CREB5: variants seen among roughly 807,000 people sequenced by gnomAD.
The protein encoded by CREB5 is cAMP responsive element binding protein 5.
CREB5 carries 19 observed loss-of-function variants against 57.1 expected under a neutral mutation model. That is an observed-to-expected ratio of 0.33 (90% CI 0.23 to 0.49). The LOEUF (loss-of-function observed/expected upper bound fraction) is 0.49, where lower values mean the gene tolerates loss of function less well. CREB5 is among the 20% of genes least tolerant of loss of function. The pLI, the probability that CREB5 is intolerant of heterozygous loss-of-function variation, is 0.99. For missense variants in CREB5, 579 were observed against 671.6 expected (o/e 0.86, Z 1.52); for synonymous variants, 238 against 238.3 (o/e 1.00, Z 0.01).
chr7:28,643,104 A>G (rs529100039), intron 5 of CREB5, among the ~76,000 whole-genome samples: 9 of 151,986 alleles, frequency 5.9e-5, no homozygotes, highest in South Asian at 4.2e-4. Context: ...TAAATTCTCA[A>G]TTGTCGGGTC....
chr7:28,645,716 C>T (rs1243159298), intron 5 of CREB5, among the ~76,000 whole-genome samples: 1 of 152,200 alleles, frequency 6.6e-6, no homozygotes, highest in Non-Finnish European at 1.5e-5. Context: ...TGGAGAAAAA[C>T]AGCTTTGCCA....
At chr7:28,701,626 A>T (rs1801865349) in intron 5 of CREB5, among the ~76,000 whole-genome samples, 1 of 152,202 alleles carries the variant, frequency 6.6e-6, no homozygotes, top group African/African-American at 2.4e-5. Context: ...AGTCACTTAG[A>T]GCTCTTTGAA....
chr7:28,431,090 G>C (rs1283925693), intron 1 of CREB5, among the ~76,000 whole-genome samples: 1 of 152,214 alleles, frequency 6.6e-6, no homozygotes, highest in Non-Finnish European at 1.5e-5. Context: ...TTCCCCAGGA[G>C]CAAGCAAGGG....
At chr7:28,356,698 G>A (rs565484044) in intron 1 of CREB5, among the ~76,000 whole-genome samples, 48 of 152,330 alleles carry the variant, frequency 3.2e-4, no homozygotes, top group Admixed American at 8.5e-4. Flanking sequence ...TACTCCTGGG[G>A]CAGGGAGACA....
At chr7:28,352,598 C>G (rs1438223624) in intron 1 of CREB5, among the ~76,000 whole-genome samples, 1 of 152,112 alleles carries the variant, frequency 6.6e-6, no homozygotes, top group Non-Finnish European at 1.5e-5. Context: ...TGGGCTGGCT[C>G]CCTTCAAAGT....
intron 1 of CREB5, among the ~76,000 whole-genome samples, chr7:28,482,254 T>C (rs982019881): frequency 6.6e-6 from 1 of 152,210 alleles, no homozygotes; most frequent in African/African-American, 2.4e-5. Flanking sequence ...ATAACCTACC[T>C]GCATCCTTGC....
intron 1 of CREB5, among the ~76,000 whole-genome samples, chr7:28,482,843 T>C (rs1791388311): frequency 6.6e-6 from 1 of 152,242 alleles, no homozygotes; most frequent in African/African-American, 2.4e-5. Flanking sequence ...CCATAACTTT[T>C]GGTATTTATA....
chr7:28,423,171 T>C (rs143755440), intron 1 of CREB5, among the ~76,000 whole-genome samples: 90 of 152,306 alleles, frequency 5.9e-4, no homozygotes, highest in East Asian at 2.3e-3. Context: ...TGCTCTTTGT[T>C]ACTAAGAAGC....
chr7:28,558,070 T>TC (rs1366188988), intron 4 of CREB5, among the ~76,000 whole-genome samples: 1 of 152,182 alleles, frequency 6.6e-6, no homozygotes, highest in Non-Finnish European at 1.5e-5. Flanking sequence ...CAGTGTATTA[T>TC]CCCCTGTGCT....
chr7:28,548,302 A>G (rs1354874654), intron 4 of CREB5, among the ~76,000 whole-genome samples: 1 of 152,162 alleles, frequency 6.6e-6, no homozygotes, highest in Admixed American at 6.6e-5. Flanking sequence ...TAAATGCATG[A>G]TGTCCCAGTA....
chr7:28,540,340 G>A (rs188602691), intron 4 of CREB5, among the ~76,000 whole-genome samples: 30 of 152,316 alleles, frequency 2.0e-4, no homozygotes, highest in African/African-American at 6.7e-4. Flanking sequence ...TGTTAATAGT[G>A]TGGGTGAATG....
chr7:28,396,173 G>A (rs1236530848), intron 1 of CREB5, among the ~76,000 whole-genome samples: 1 of 152,196 alleles, frequency 6.6e-6, no homozygotes, highest in East Asian at 1.9e-4. Flanking sequence ...GCAGCAGACT[G>A]TAGCAAACAT....
chr7:28,700,142 G>A (rs1352652750), intron 5 of CREB5, among the ~76,000 whole-genome samples: 1 of 152,116 alleles, frequency 6.6e-6, no homozygotes, highest in Non-Finnish European at 1.5e-5. Context: ...CTTGGCCTTT[G>A]TTGACATATT....
At chr7:28,603,502 C>G (rs1308431976) in intron 5 of CREB5, among the ~76,000 whole-genome samples, 3 of 152,140 alleles carry the variant, frequency 2.0e-5, no homozygotes, top group Non-Finnish European at 4.4e-5. Flanking sequence ...CTGTAACCTT[C>G]CTATCTCAAC....
chr7:28,433,708 C>A (rs1021613521), intron 1 of CREB5, among the ~76,000 whole-genome samples: 1 of 151,950 alleles, frequency 6.6e-6, no homozygotes, highest in Non-Finnish European at 1.5e-5. Flanking sequence ...ACAAGTATAG[C>A]CATATATTTT....
chr7:28,796,813 C>T (rs558407211), intron 7 of CREB5, among the ~76,000 whole-genome samples: 45 of 152,190 alleles, frequency 3.0e-4, no homozygotes, highest in Non-Finnish European at 5.3e-4. Flanking sequence ...AGGCACATGG[C>T]GCTAAGTGGT....
chr7:28,786,889 C>T (rs1323790498), intron 7 of CREB5, among the ~76,000 whole-genome samples: 1 of 152,150 alleles, frequency 6.6e-6, no homozygotes, highest in Admixed American at 6.6e-5. Flanking sequence ...AATGTCAGGG[C>T]TAAAGCTTTT....
chr7:28,618,163 G>A (rs1797664754), intron 5 of CREB5, among the ~76,000 whole-genome samples: 1 of 152,152 alleles, frequency 6.6e-6, no homozygotes, highest in Admixed American at 6.5e-5. Context: ...GGGACTATCA[G>A]TCCTGAGGGT....
intron 5 of CREB5, among the ~76,000 whole-genome samples, chr7:28,605,254 T>C (rs964986080): frequency 3.3e-5 from 5 of 152,212 alleles, no homozygotes; most frequent in African/African-American, 4.8e-5. Context: ...AACTACTAAT[T>C]TGTAAACATT....
Sources: gnomAD v4.1 joint callset for allele counts (sites outside exome capture counted in the v4.1 genomes callset) on GRCh38, gnomAD v4.1.1 for gene constraint, MANE v1.5 for transcripts, NCBI Gene and HGNC (gene_info 2026-07-23, HGNC 2026-07-21) for gene names.